Variants in CACNA1D observed in about 807,000 individuals in gnomAD.
The protein encoded by CACNA1D is voltage-dependent L-type calcium channel subunit alpha-1D.
CACNA1D carries 55 observed loss-of-function variants against 257.1 expected under a neutral mutation model. The ratio of observed to expected loss-of-function variants is 0.21; its 90% CI spans 0.17 to 0.27. The LOEUF (loss-of-function observed/expected upper bound fraction) is 0.27, where lower values mean the gene tolerates loss of function less well. CACNA1D is among the 10% of genes least tolerant of loss of function. The pLI is 1.00. For missense variants in CACNA1D, 1,876 were observed against 2,784.0 expected (o/e 0.67, Z 7.34); for synonymous variants, 980 against 1,014.9 (o/e 0.97, Z 0.65).
intron 15 of CACNA1D, among the ~76,000 whole-genome samples, chr3:53,727,858 C>T (rs781234992): frequency 3.3e-5 from 5 of 152,312 alleles, no homozygotes; most frequent in Middle Eastern, 3.4e-3. Context: ...TTGTCTGGCT[C>T]ACTGATAAAT....
At chr3:53,589,525 A>G (rs2093272092) in intron 3 of CACNA1D, among the ~76,000 whole-genome samples, 1 of 151,822 alleles carries the variant, frequency 6.6e-6, no homozygotes, top group African/African-American at 2.4e-5. Context: ...CCCCTTGCCG[A>G]CTCTTCAGGG....
chr3:53,589,035 G>A (rs1261135993), intron 3 of CACNA1D, among the ~76,000 whole-genome samples: 2 of 152,168 alleles, frequency 1.3e-5, no homozygotes, highest in African/African-American at 2.4e-5. Flanking sequence ...CGGCAGATGT[G>A]TGATTCTTTC....
rs970785947 is a variant in CACNA1D at position 53,755,892 on chromosome 3, C to T, written c.3786+2210C>T. Among the ~76,000 whole-genome samples, 9 of 152,146 alleles carry T rather than the reference C, an allele frequency of 5.9e-5. No individual in the cohort carries two copies. The South Asian group carries it at 1.9e-3, about 32-fold the overall frequency. ...AAGAAGCCAGGGAGGCCTCCTCCCT[C>T]CTGGTCGGTGGGGTAGTCGGGCTGA... is the stretch of plus-strand genomic sequence containing the variant. On this transcript the variant is annotated intron_variant, in intron 29 of 47. Transcript: ENST00000350061.
chr3:53,780,754 G>C, intron 38 of CACNA1D, among the ~76,000 whole-genome samples: 1 of 152,230 alleles, frequency 6.6e-6, no homozygotes, highest in East Asian at 1.9e-4. Flanking sequence ...GGTGACTTCA[G>C]AGGTGGAATG....
At chr3:53,783,815 G>C (rs908909643) in intron 39 of CACNA1D, among the ~76,000 whole-genome samples, 4 of 152,164 alleles carry the variant, frequency 2.6e-5, no homozygotes, top group Non-Finnish European at 5.9e-5. Context: ...ACTTAGAAAA[G>C]GATATTTGCA....
chr3:53,811,167 G>A lies in CACNA1D; in HGVS notation c.6247G>A (p.Ala2083Thr). The A allele has an allele frequency of 1.2e-6, 2 of 1,614,134 alleles. No individual in the cohort carries two copies. Among genetic ancestry groups the A allele is most frequent in the Non-Finnish European group, 1.7e-6 (2 of 1,179,990 alleles). ...RYARDPKFVS[A>T]TKHEIADACD... Reference sequence around the variant, plus strand: ...TGCAAGGGACCCAAAATTTGTGTCAGCAACAAAACACGAAATCGCTGATGC... The same window carrying A: ...TGCAAGGGACCCAAAATTTGTGTCAACAACAAAACACGAAATCGCTGATGC... Residue 2083 changes from alanine to threonine, a missense_variant, in exon 48 of 48, where the codon GCA (alanine) becomes ACA (threonine). By Grantham distance (58) the Ala-to-Thr change is moderately conservative (BLOSUM62 0). Around this residue, in one of 10 missense-constraint regions of CACNA1D, gnomAD observed 491 missense variants for 554.3 expected, o/e 0.89. Transcript: ENST00000350061. This position sits in a 1 kb window ranked among gnomAD's most constrained non-coding sequence, Gnocchi z 4.2.
At position 53,811,946 on chromosome 3, in the gene CACNA1D, T is replaced by TAAGTC. The variant is rs2095602600; in HGVS notation, c.*542_*546dup. 6.5e-6 allele frequency: 1 copy of TAAGTC among 152,694 alleles called. No homozygotes were observed. Among genetic ancestry groups the TAAGTC allele is most frequent in the South Asian group, 2.1e-4 (1 of 4,832 alleles). 9.5% of individuals were successfully genotyped at this position (152,694 alleles called of 1,614,324 possible). A position where few individuals can be genotyped will look rare whatever the true frequency, so the allele number is the denominator to read the frequency against. On this transcript the variant is annotated 3_prime_UTR_variant, in exon 48 of 48. Coordinates refer to ENST00000350061, the MANE Select transcript of CACNA1D (RefSeq NM_001128840.3). The surrounding 1 kb of genome is among the most constrained non-coding windows in gnomAD (Gnocchi z 4.2). ...GCTGTTCTGAAATACGGTGTGTAAGTAAGTCAGAACCCAGCTACCAGTGAT... is the reference window on the plus strand; with the variant it reads ...GCTGTTCTGAAATACGGTGTGTAAGTAAGTCAAGTCAGAACCCAGCTACCAGTGAT...
chr3:53,801,540 C>T (rs528121272), intron 42 of CACNA1D, 115 bp downstream of exon 42: 86 of 1,358,626 alleles, frequency 6.3e-5, no homozygotes, highest in Admixed American at 1.2e-4. Context: ...GGAGGTTCCC[C>T]GTAGGCATTT....
At chr3:53,717,185 T>C (rs934529923) in intron 9 of CACNA1D, among the ~76,000 whole-genome samples, 38 of 152,222 alleles carry the variant, frequency 2.5e-4, no homozygotes, top group African/African-American at 8.9e-4. Flanking sequence ...AAAAAGGAAG[T>C]ACACGTGGAT....
chr3:53,693,338 A>G (rs2094545213), intron 8 of CACNA1D, among the ~76,000 whole-genome samples: 1 of 152,180 alleles, frequency 6.6e-6, no homozygotes, highest in East Asian at 1.9e-4. Context: ...TCCTTTGGCT[A>G]TCACCAGCTT....
rs374229235 is a variant in CACNA1D at position 53,794,324 on chromosome 3, G to T, written c.4924-5925G>T. Among the ~76,000 whole-genome samples, 28 of 152,294 alleles carry T rather than the reference G, an allele frequency of 1.8e-4. 1 individual carries two copies. In the South Asian group the frequency reaches 5.4e-3, roughly 29 times the overall value. The stretch of plus-strand genomic sequence containing the variant: ...AGACTTACTAACAGTTCTAGGGTGG[G>T]TAGAAACCCAGGTGAGTTCATTCTC... On this transcript the variant is annotated intron_variant, in intron 40 of 47. Coordinates refer to ENST00000350061, the MANE Select transcript of CACNA1D (RefSeq NM_001128840.3).
At chr3:53,697,447 C>T (rs1320670990) in intron 8 of CACNA1D, among the ~76,000 whole-genome samples, 1 of 152,124 alleles carries the variant, frequency 6.6e-6, no homozygotes, top group Non-Finnish European at 1.5e-5. Context: ...CAACATTGTC[C>T]GTTCCTGCCT....
chr3:53,718,254 G>C, intron 9 of CACNA1D, 47 bp from the exon 10 acceptor site: 1 of 1,527,830 alleles, frequency 6.5e-7, no homozygotes. Flanking sequence ...CCTCCCAGGC[G>C]TGCAGTGTGC....
chr3:53,803,274 C>T (rs542428662), intron 43 of CACNA1D, 149 bp from the exon 44 acceptor site: 32 of 816,662 alleles, frequency 3.9e-5, no homozygotes, highest in South Asian at 5.7e-5. Context: ...TGCCAGAAGC[C>T]GGAACAGTCC....
chr3:53,718,561 C>T, intron 10 of CACNA1D, 173 bp downstream of exon 10: 2 of 944,434 alleles, frequency 2.1e-6, no homozygotes, highest in Admixed American at 2.0e-5. Flanking sequence ...GCTATCCCTC[C>T]TGCACACCTC....
chr3:53,609,667 C>G (rs2093558629), intron 3 of CACNA1D, among the ~76,000 whole-genome samples: 2 of 152,166 alleles, frequency 1.3e-5, no homozygotes. Flanking sequence ...TTTCTGCGAT[C>G]AGTCTAGCTG....
intron 4 of CACNA1D, 127 bp from the exon 5 acceptor site, chr3:53,660,006 G>T: frequency 2.5e-6 from 2 of 800,800 alleles, no homozygotes; most frequent in Non-Finnish European, 4.1e-6. Context: ...TCTTGTCTTT[G>T]TCTTCCTTTT....
chr3:53,693,243 A>G (rs114345911), intron 8 of CACNA1D, among the ~76,000 whole-genome samples: 4 of 152,196 alleles, frequency 2.6e-5, no homozygotes, highest in African/African-American at 9.6e-5. Context: ...CATTACCTGC[A>G]AAGGAGCAGG....
At chr3:53,732,166 C>A in intron 18 of CACNA1D, 84 bp downstream of exon 18, 1 of 1,083,894 alleles carries the variant, frequency 9.2e-7, no homozygotes, top group Non-Finnish European at 1.4e-6. Flanking sequence ...CTGCGGCCAG[C>A]CAGCCCAGCA....
Sources: allele counts gnomAD v4.1 joint callset (sites outside exome capture counted in the v4.1 genomes callset), GRCh38; gene constraint gnomAD v4.1.1; regional missense constraint gnomAD v4.1.1; non-coding constraint Gnocchi (gnomAD v3.1); transcripts MANE v1.5; gene names NCBI Gene and HGNC (gene_info 2026-07-23, HGNC 2026-07-21).